The following GLI3 variants were observed in gnomAD, a reference collection of about 807,000 sequenced individuals.
GLI3 encodes transcription activator GLI3.
A neutral mutation model predicts 100.8 loss-of-function variants in GLI3; 20 were observed. The ratio of observed to expected loss-of-function variants is 0.20; its 90% CI spans 0.14 to 0.29. GLI3 has a LOEUF of 0.29. Among genes scored for constraint, GLI3 ranks in the 10% least tolerant of loss-of-function variants. The probability of loss-of-function intolerance (pLI) is 1.00; values close to 1 mark genes in which losing one functional copy is unlikely to be tolerated. For synonymous variants in GLI3, 938 were observed against 860.5 expected (o/e 1.09, Z -1.58); for missense variants, 2,040 against 2,128.5 (o/e 0.96, Z 0.82).
intron 2 of GLI3, among the ~76,000 whole-genome samples, chr7:42,219,853 C>CTT (rs769305998): frequency 3.7e-4 from 50 of 133,702 alleles, no homozygotes; most frequent in African/African-American, 8.6e-4. Context: ...AAACTGAACT[C>CTT]TTTTTTTTTT....
intron 10 of GLI3, among the ~76,000 whole-genome samples, chr7:42,001,852 A>G (rs1415805311): frequency 6.6e-6 from 1 of 152,206 alleles, no homozygotes; most frequent in Non-Finnish European, 1.5e-5. Flanking sequence ...AAAAGACAGA[A>G]GGTAAAAAAA....
intron 1 of GLI3, among the ~76,000 whole-genome samples, chr7:42,243,648 C>A (rs1467810154): frequency 2.6e-5 from 4 of 152,092 alleles, no homozygotes; most frequent in Admixed American, 2.0e-4. Flanking sequence ...GATCTACTAT[C>A]CGGATTAGTA....
chr7:42,072,914 G>T (rs1784811696), intron 4 of GLI3, among the ~76,000 whole-genome samples: 1 of 152,140 alleles, frequency 6.6e-6, no homozygotes, highest in African/African-American at 2.4e-5. Context: ...TGAGAGAGAG[G>T]GAGAGAGAGC....
chr7:42,245,936 A>G (rs1300792163), intron 1 of GLI3, among the ~76,000 whole-genome samples: 7 of 151,720 alleles, frequency 4.6e-5, no homozygotes, highest in Non-Finnish European at 8.8e-5. Context: ...ATGAGGGGAG[A>G]TAGACCATAA....
At chr7:42,262,191 A>T (rs1455080619) in intron 1 of GLI3, among the ~76,000 whole-genome samples, 39 of 34,678 alleles carry the variant, frequency 1.1e-3, no homozygotes, top group Admixed American at 2.1e-3. Context: ...TCTTTCTTTT[A>T]TTTTTTTTCC....
intron 2 of GLI3, chr7:42,151,519 C>T (rs1025605567): frequency 6.6e-6 from 1 of 152,198 alleles, no homozygotes; most frequent in African/African-American, 2.4e-5. Flanking sequence ...ACACACTGTC[C>T]ACCATGGCAA....
chr7:42,057,710 A>C (rs993125678), intron 4 of GLI3, among the ~76,000 whole-genome samples: 1 of 152,188 alleles, frequency 6.6e-6, no homozygotes, highest in Non-Finnish European at 1.5e-5. Context: ...AAAATAATGA[A>C]ATAATTTCTT....
At chr7:41,983,951 G>A (rs956567396) in intron 10 of GLI3, among the ~76,000 whole-genome samples, 1 of 152,140 alleles carries the variant, frequency 6.6e-6, no homozygotes, top group African/African-American at 2.4e-5. Context: ...CATCGAATGG[G>A]AGCAAAATGA....
chr7:42,008,850 T>C (rs1443758176), intron 10 of GLI3, among the ~76,000 whole-genome samples: 1 of 152,272 alleles, frequency 6.6e-6, no homozygotes, highest in African/African-American at 2.4e-5. Context: ...AAAGGTCCTA[T>C]GTTGTTATCA....
intron 2 of GLI3, among the ~76,000 whole-genome samples, chr7:42,191,018 TA>T (rs917804899): frequency 2.6e-4 from 39 of 151,672 alleles, no homozygotes; most frequent in South Asian, 1.5e-3. Flanking sequence ...CTTAACCTGA[TA>T]AAAAAAATAA....
In GLI3 at chr7:41,965,822, G is replaced by T. The variant is rs751601834; in HGVS notation, c.3251C>A (p.Ala1084Asp). The part of the protein sequence containing the change: ...TLESLTMDAD[A>D]NLNDEDFLPD... ...CAGGAAATCCTCATCGTTCAGGTTG[G>T]CATCAGCGTCCATGGTCAGGGACTC... The change falls in exon 15 of 15, where the codon GCC becomes GAC. Residue 1084 changes from alanine to aspartate, a missense_variant. By Grantham distance (126) the Ala-to-Asp change is moderately radical. Transcript: ENST00000395925. The T allele has an allele frequency of 1.2e-6, 2 of 1,613,522 alleles. 1 individual carries two copies. The highest frequency in any genetic ancestry group is 3.3e-5 in the Admixed American group (2 of 59,992).
chr7:42,014,622 A>T (rs1207341690), intron 10 of GLI3, among the ~76,000 whole-genome samples: 1 of 152,096 alleles, frequency 6.6e-6, no homozygotes, highest in African/African-American at 2.4e-5. Context: ...TCTCCATGAG[A>T]TGTATCTTTC....
chr7:42,080,861 G>A (rs552958976), intron 3 of GLI3, among the ~76,000 whole-genome samples: 65 of 152,190 alleles, frequency 4.3e-4, no homozygotes, highest in African/African-American at 1.5e-3. Flanking sequence ...CCCACATGAC[G>A]AGAACAGGCC....
chr7:42,213,702 G>A (rs916632745), intron 2 of GLI3, among the ~76,000 whole-genome samples: 4 of 152,200 alleles, frequency 2.6e-5, no homozygotes, highest in Admixed American at 6.5e-5. Context: ...CACAGGTGTC[G>A]CAGAATGGGC....
intron 7 of GLI3, among the ~76,000 whole-genome samples, chr7:42,029,852 G>A (rs1000700471): frequency 2.6e-5 from 4 of 152,080 alleles, no homozygotes; most frequent in Admixed American, 6.6e-5. Context: ...ATGGCAGCAC[G>A]CAGTACTCTC....
chr7:42,029,493 G>A (rs1258818267), intron 7 of GLI3, among the ~76,000 whole-genome samples: 1 of 152,174 alleles, frequency 6.6e-6, no homozygotes, highest in Non-Finnish European at 1.5e-5. Flanking sequence ...CAAGATCAAG[G>A]TATGAAAAGA....
chr7:42,210,289 C>T (rs576009113), intron 2 of GLI3, among the ~76,000 whole-genome samples: 155 of 149,206 alleles, frequency 1.0e-3, no homozygotes, highest in Non-Finnish European at 2.1e-3. Context: ...AAAAATTGTA[C>T]TCTTGTTTTT....
chr7:42,154,010 G>T (rs1343598687), intron 2 of GLI3, among the ~76,000 whole-genome samples: 1 of 151,636 alleles, frequency 6.6e-6, no homozygotes. Context: ...CTGTTAACAG[G>T]ACAAGAGCTC....
intron 2 of GLI3, among the ~76,000 whole-genome samples, chr7:42,185,627 G>T (rs1235334776): frequency 1.3e-5 from 2 of 152,202 alleles, no homozygotes; most frequent in African/African-American, 4.8e-5. Context: ...GCCCAGATGT[G>T]CTACAGCTTC....
Sources: allele counts gnomAD v4.1 joint callset (sites outside exome capture counted in the v4.1 genomes callset), GRCh38; gene constraint gnomAD v4.1.1; transcripts MANE v1.5; gene names NCBI Gene and HGNC (gene_info 2026-07-23, HGNC 2026-07-21).